Variants in MFGE8 observed in about 807,000 individuals in gnomAD.
MFGE8 encodes lactadherin.
In MFGE8, 34 loss-of-function variants were observed where a neutral mutation model predicts 42.6. That is an observed-to-expected ratio of 0.80 (90% CI 0.61 to 1.06). The LOEUF (loss-of-function observed/expected upper bound fraction) is 1.06. MFGE8 is among the 50% of genes least tolerant of loss of function. MFGE8 has a pLI of 0.00. For synonymous variants in MFGE8, 230 were observed against 214.8 expected (o/e 1.07, Z -0.62); for missense variants, 510 against 516.9 (o/e 0.99, Z 0.13).
chr15:88,912,630 G>A (rs1270809705), intron 1 of MFGE8: 2 of 985,354 alleles, frequency 2.0e-6, no homozygotes, highest in Admixed American at 6.1e-5. Flanking sequence ...CCAAGGCCGC[G>A]GGAGGGAGGG....
At chr15:88,907,971 T>A (rs1898777796) in intron 2 of MFGE8, among the ~76,000 whole-genome samples, 1 of 152,140 alleles carries the variant, frequency 6.6e-6, no homozygotes, top group Non-Finnish European at 1.5e-5. Context: ...TGCCTGGAGT[T>A]TTCTAGAATC....
Position 88,899,555 on chromosome 15 carries a change from G to A in MFGE8, c.1027-23C>T, listed in dbSNP as rs116657279. ...GATCTAGAGGCAGAGCGGGTGTCAG[G>A]AGGACCCCGAGCCAGCCCCCCTCCC... On this transcript the variant is annotated intron_variant, in intron 7 of 7. Coordinates refer to ENST00000268150, the MANE Select transcript of MFGE8 (RefSeq NM_005928.4). This position sits in a 1 kb window ranked among gnomAD's most constrained non-coding sequence, Gnocchi z 6.8. 1,266 of 1,614,148 alleles carry A rather than the reference G, an allele frequency of 7.8e-4. 7 individuals carry two copies. The African/African-American group carries it at 0.015, about 19-fold the overall frequency.
chr15:88,913,099 A>G lies in MFGE8; in HGVS notation c.73+148T>C, dbSNP rs1899044261. On this transcript the variant is annotated intron_variant, in intron 1 of 7. Coordinates refer to ENST00000268150, the MANE Select transcript of MFGE8 (RefSeq NM_005928.4). ...GCATCCCCCTGTCCCGCCAGGGCGC[A>G]GCGGAAGAAGCCGCCCCTCTGCCCA... 3 of 1,317,278 alleles carry G rather than the reference A, an allele frequency of 2.3e-6. No homozygotes were observed. In the South Asian group the frequency reaches 6.4e-5, roughly 28 times the overall value. 81.6% of individuals were successfully genotyped at this position (1,317,278 alleles called of 1,614,324 possible).
chr15:88,905,687 G>A lies in MFGE8; in HGVS notation c.685+70C>T, dbSNP rs1898637870. The A allele has an allele frequency of 6.2e-7, 1 of 1,603,526 alleles. No homozygotes were observed. Among genetic ancestry groups the A allele is most frequent in the African/African-American group, 1.3e-5 (1 of 74,714 alleles). Reference sequence around the variant, plus strand: ...ACCTAGCTCAGTTTGGCTGAGAAAAGAGGCAGCAGGGAGGGCCACCTCCTA... The same window carrying A: ...ACCTAGCTCAGTTTGGCTGAGAAAAAAGGCAGCAGGGAGGGCCACCTCCTA... On this transcript the variant is annotated intron_variant, in intron 5 of 7. Coordinates refer to ENST00000268150, the MANE Select transcript of MFGE8 (RefSeq NM_005928.4). The surrounding 1 kb of genome is among the most constrained non-coding windows in gnomAD (Gnocchi z 6.6).
Position 88,905,252 on chromosome 15 carries a change from A to G in MFGE8, c.685+505T>C, listed in dbSNP as rs1368935759. On this transcript the variant is annotated intron_variant, in intron 5 of 7. Transcript: ENST00000268150. The surrounding 1 kb of genome is among the most constrained non-coding windows in gnomAD (Gnocchi z 6.6). Reference sequence around the variant, plus strand: ...GTCGGGAGCCCAGAGATCTAGACCAAGTCTTAATACCTACCAGATGTGTAC... The same window carrying G: ...GTCGGGAGCCCAGAGATCTAGACCAGGTCTTAATACCTACCAGATGTGTAC... The G allele has an allele frequency of 1.2e-5, 4 of 344,808 alleles. No individual in the cohort carries two copies. The highest frequency in any genetic ancestry group is 2.2e-5 in the African/African-American group (1 of 46,408). The allele number at this position is 344,808 out of a possible 1,614,324, so 21.4% of individuals were successfully genotyped here. A position where few individuals can be genotyped will look rare whatever the true frequency, so the allele number is the denominator to read the frequency against.
intron 1 of MFGE8, chr15:88,910,776 G>T (rs1039440049): frequency 2.6e-5 from 4 of 152,490 alleles, no homozygotes; most frequent in Non-Finnish European, 1.5e-5. Context: ...AGATGCAGCT[G>T]GAAGGGTAGG....
chr15:88,913,074 G>A (rs1899042268), intron 1 of MFGE8, 173 bp downstream of exon 1: 1 of 985,266 alleles, frequency 1.0e-6, no homozygotes, highest in African/African-American at 1.7e-5. Flanking sequence ...CAGCAGGGCC[G>A]CATCCCCCTG....
chr15:88,910,777 G>A (rs573222734), intron 1 of MFGE8: 2 of 152,602 alleles, frequency 1.3e-5, no homozygotes, highest in South Asian at 2.1e-4. Context: ...GATGCAGCTG[G>A]AAGGGTAGGC....
At position 88,913,298 on chromosome 15, in the gene MFGE8, C is replaced by T; in HGVS notation, c.22G>A (p.Ala8Thr). 6.8e-7 allele frequency: 1 copy of T among 1,473,074 alleles called. No individual in the cohort carries two copies. Among genetic ancestry groups the T allele is most frequent in the Non-Finnish European group, 8.9e-7 (1 of 1,121,626 alleles). The allele number at this position is 1,473,074 out of a possible 1,614,324, so 91.3% of individuals were successfully genotyped here. The change falls in exon 1 of 8, where the codon GCC (alanine) becomes ACC (threonine). Residue 8 changes from alanine to threonine, a missense_variant. Coordinates refer to ENST00000268150, the MANE Select transcript of MFGE8 (RefSeq NM_005928.4). ...CAGAGCAGCGCGCCGCACAGCGCGG[C>T]CAGCAGGCGGGGGCGCGGCATGCTG... MPRPRLL[A>T]ALCGALLCAP...
At position 88,913,355 on chromosome 15, in the gene MFGE8, G is replaced by A; in HGVS notation, c.-36C>T. The A allele has an allele frequency of 2.2e-6, 3 of 1,393,538 alleles. No individual in the cohort carries two copies. The highest frequency in any genetic ancestry group is 2.8e-6 in the Non-Finnish European group (3 of 1,079,616). 86.3% of individuals were successfully genotyped at this position (1,393,538 alleles called of 1,614,324 possible). On this transcript the variant is annotated 5_prime_UTR_variant, in exon 1 of 8. Transcript: ENST00000268150. ...CGCGGGCGCTGGAATGGGCACGCTGGGCTGCTCAGACCCCGCGGGGTTCTG... is the reference window on the plus strand; with the variant it reads ...CGCGGGCGCTGGAATGGGCACGCTGAGCTGCTCAGACCCCGCGGGGTTCTG...
Position 88,906,004 on chromosome 15 carries a change from G to A in MFGE8, c.541-103C>T. ...TTCAGACCTGGGAGGCAGAGGTGGG[G>A]CTGGGAGGGTGAAGAGGACTTGGAA... On this transcript the variant is annotated intron_variant, in intron 4 of 7. Coordinates refer to ENST00000268150, the MANE Select transcript of MFGE8 (RefSeq NM_005928.4). The surrounding 1 kb of genome is among the most constrained non-coding windows in gnomAD (Gnocchi z 4.2). The A allele has an allele frequency of 1.4e-6, 2 of 1,426,200 alleles. No individual in the cohort carries two copies. Among genetic ancestry groups the A allele is most frequent in the Non-Finnish European group, 2.0e-6 (2 of 1,015,472 alleles). The allele number at this position is 1,426,200 out of a possible 1,614,324, so 88.3% of individuals were successfully genotyped here.
chr15:88,910,930 C>G (rs1898928069), intron 1 of MFGE8: 1 of 152,124 alleles, frequency 6.6e-6, no homozygotes. Flanking sequence ...AAACAAGAAA[C>G]AAGAAACAGA....
In MFGE8 at chr15:88,913,251, G is replaced by A; in HGVS notation, c.69C>T (p.Ala23=). The stretch of plus-strand genomic sequence containing the variant: ...AGGGCGGCGCGATCCACTCACCCAG[G>A]GCGACGAGGAGGCTGGGGGCGCAGA... ...ALLCAPSLLV[A]LDICSKNPCH... is the part of the protein sequence containing the mutation. Residue 23 remains alanine, a synonymous_variant, in exon 1 of 8, where the codon GCC becomes GCT. Transcript: ENST00000268150. 4 of 1,505,936 alleles carry A rather than the reference G, an allele frequency of 2.7e-6. No individual in the cohort carries two copies. The highest frequency in any genetic ancestry group is 3.5e-6 in the Non-Finnish European group (4 of 1,135,188). The allele number at this position is 1,505,936 out of a possible 1,614,324, so 93.3% of individuals were successfully genotyped here. A position where few individuals can be genotyped will look rare whatever the true frequency, so the allele number is the denominator to read the frequency against.
Position 88,899,530 on chromosome 15 carries a change from G to C in MFGE8, c.1029C>G (p.Ile343Met). ...AGTGGTTGTCCCAGTTGCCAGGGAA[G>C]ATCTAGAGGCAGAGCGGGTGTCAGG... ...YQDPRTGSSK[I>M]FPGNWDNHSH... Residue 343 changes from isoleucine (I) to methionine (M), a missense_variant and splice_region_variant, in exon 8 of 8, where the codon ATC becomes ATG. Ile to Met is a conservative substitution (Grantham distance 10, BLOSUM62 1). Transcript: ENST00000268150. The surrounding 1 kb of genome is among the most constrained non-coding windows in gnomAD (Gnocchi z 6.8). 1 of 1,614,196 alleles carries C rather than the reference G, an allele frequency of 6.2e-7. No homozygotes were observed. Among genetic ancestry groups the C allele is most frequent in the East Asian group, 2.2e-5 (1 of 44,884 alleles).
In MFGE8 at chr15:88,907,085, C is replaced by G. The variant is rs145551986; in HGVS notation, c.387+110G>C. ...TACTTCATCCATGGGAACCTGTTAC[C>G]TTGCCACCTGAACCCCAGTGATGAA... On this transcript the variant is annotated intron_variant, in intron 3 of 7. Transcript: ENST00000268150. 8.3e-3 allele frequency: 11,470 copies of G among 1,383,476 alleles called. 69 individuals are homozygous for G. The highest frequency in any genetic ancestry group is 0.013 in the Middle Eastern group (54 of 4,226). 85.7% of individuals were successfully genotyped at this position (1,383,476 alleles called of 1,614,324 possible).
chr15:88,901,073 T>TCACATTCA (rs144775728), intron 6 of MFGE8, among the ~76,000 whole-genome samples: 8 of 64,028 alleles, frequency 1.2e-4, no homozygotes, highest in South Asian at 4.1e-4. Flanking sequence ...ACATACACAT[T>TCACATTCA]CACATACACA....
intron 1 of MFGE8, among the ~76,000 whole-genome samples, chr15:88,911,444 C>T (rs913690253): frequency 2.0e-5 from 3 of 152,162 alleles, no homozygotes; most frequent in African/African-American, 4.8e-5. Context: ...TTGCCTTGGC[C>T]GGGCATGGTG....
Position 88,899,460 on chromosome 15 carries a change from C to T in MFGE8, c.1099G>A (p.Val367Met). The change falls in exon 8 of 8, where the codon GTG (valine) becomes ATG (methionine). Residue 367 changes from valine (V) to methionine (M), a missense_variant. Transcript: ENST00000268150. This position sits in a 1 kb window ranked among gnomAD's most constrained non-coding sequence, Gnocchi z 6.8. ...LFETPILARY[V>M]RILPVAWHNR... ...TGCCAGGCTACAGGCAGGATGCGCA[C>T]ATAGCGAGCCAGGATGGGCGTCTCA... 6.2e-7 allele frequency: 1 copy of T among 1,614,218 alleles called. No homozygotes were observed. Among genetic ancestry groups the T allele is most frequent in the Non-Finnish European group, 8.5e-7 (1 of 1,180,032 alleles).
In MFGE8 at chr15:88,909,926, G is replaced by A. The variant is rs764767929; in HGVS notation, c.74-3C>T. 4 of 1,613,966 alleles carry A rather than the reference G, an allele frequency of 2.5e-6. No individual in the cohort carries two copies. The East Asian group carries it at 8.9e-5, about 36-fold the overall frequency. ...GCAGGGGTTTTTGGAACAGATATCT[G>A]GGGACAGAGACAGGTAAGATGAGCA... On this transcript the variant is annotated splice_region_variant and splice_polypyrimidine_tract_variant and intron_variant, in intron 1 of 7. Coordinates refer to ENST00000268150, the MANE Select transcript of MFGE8 (RefSeq NM_005928.4).
Sources: gnomAD v4.1 joint callset for allele counts (sites outside exome capture counted in the v4.1 genomes callset) on GRCh38, gnomAD v4.1.1 for gene constraint, Gnocchi (gnomAD v3.1) non-coding constraint, MANE v1.5 for transcripts, NCBI Gene and HGNC (gene_info 2026-07-23, HGNC 2026-07-21) for gene names.